Variants in LOC131768270 observed in about 807,000 individuals in gnomAD.
chr5:140,567,288 G>T, the LOC131768270 span: 1 of 1,614,134 alleles, frequency 6.2e-7, no homozygotes, highest in South Asian at 1.1e-5. Context: ...CTGGCACTGT[G>T]CCATGTGGAC....
chr5:140,565,936 C>G, the LOC131768270 span: 1 of 398,786 alleles, frequency 2.5e-6, no homozygotes, highest in Non-Finnish European at 4.4e-6. Context: ...CCTGCAGCGG[C>G]GTGTAGAAGA....
the LOC131768270 span, chr5:140,566,019 A>C: frequency 2.0e-5 from 8 of 398,652 alleles, no homozygotes; most frequent in Non-Finnish European, 3.5e-5. Context: ...ATTGCCCAAC[A>C]TGCTCTTGAG....
At chr5:140,567,181 G>A in the LOC131768270 span, 1 of 1,613,152 alleles carries the variant, frequency 6.2e-7, no homozygotes, top group Non-Finnish European at 8.5e-7. Context: ...TGAGTGTAGA[G>A]GATGGGGGTA....
At chr5:140,566,103 A>C in the LOC131768270 span, 1 of 395,958 alleles carries the variant, frequency 2.5e-6, no homozygotes, top group Non-Finnish European at 4.4e-6. Context: ...CCTAAGGACA[A>C]TTTTTCTGAA....
At chr5:140,565,121 C>T in the LOC131768270 span, 11 of 390,098 alleles carry the variant, frequency 2.8e-5, no homozygotes, top group South Asian at 1.3e-3. Flanking sequence ...AAACATTCAC[C>T]CTTAAACACT....
At chr5:140,566,430 A>G in the LOC131768270 span, 2 of 398,298 alleles carry the variant, frequency 5.0e-6, no homozygotes, top group Non-Finnish European at 4.4e-6. Context: ...AACCTTGGGA[A>G]AAATCTGGAG....
chr5:140,566,527 G>C, the LOC131768270 span: 1 of 413,840 alleles, frequency 2.4e-6, no homozygotes. Flanking sequence ...AGTCAGGAAG[G>C]AGCCTAGCTA....
the LOC131768270 span, chr5:140,568,689 C>A: frequency 5.7e-6 from 1 of 176,178 alleles, no homozygotes; most frequent in African/African-American, 2.4e-5. Flanking sequence ...CAGTCTCCTC[C>A]AGTTCCAGCA....
At chr5:140,568,443 C>T in the LOC131768270 span, 2 of 445,736 alleles carry the variant, frequency 4.5e-6, no homozygotes, top group Non-Finnish European at 8.5e-6. Context: ...GAAATAACCC[C>T]ATCCTTGTTG....
chr5:140,565,639 A>G, the LOC131768270 span: 3,558 of 327,228 alleles, frequency 0.011, 125 homozygotes, highest in African/African-American at 0.07. Flanking sequence ...AATTCTTGTC[A>G]AGGTTGATGT....
At chr5:140,568,378 C>T in the LOC131768270 span, 3 of 624,744 alleles carry the variant, frequency 4.8e-6, no homozygotes, top group South Asian at 6.3e-5. Context: ...TCCCCCACCC[C>T]CAACCAAGTT....
chr5:140,567,882 G>GC, the LOC131768270 span: 1 of 1,614,192 alleles, frequency 6.2e-7, no homozygotes, highest in South Asian at 1.1e-5. Flanking sequence ...CTGCATGCTG[G>GC]CGGCGGCTCT....
the LOC131768270 span, chr5:140,566,750 G>A: frequency 3.4e-6 from 2 of 593,590 alleles, no homozygotes; most frequent in Admixed American, 3.0e-5. Flanking sequence ...TGCTACGCAA[G>A]GGGCCCGACT....
chr5:140,566,877 T>G, the LOC131768270 span: 3 of 613,812 alleles, frequency 4.9e-6, no homozygotes, highest in Non-Finnish European at 8.7e-6. Context: ...GCCACCTTCA[T>G]CCTTGCCTCC....
the LOC131768270 span, chr5:140,564,830 G>C: frequency 2.5e-6 from 1 of 403,094 alleles, no homozygotes; most frequent in Non-Finnish European, 4.4e-6. This position sits in a 1 kb window ranked among gnomAD's most constrained non-coding sequence, Gnocchi z 5.0. Context: ...TGCGCAACAA[G>C]TTCGGCGGGG....
chr5:140,567,438 C>G, the LOC131768270 span: 21 of 1,614,160 alleles, frequency 1.3e-5, no homozygotes, highest in Non-Finnish European at 1.8e-5. Flanking sequence ...GCTCCCTTCG[C>G]ACTATCAGCC....
chr5:140,567,468 A>G, the LOC131768270 span: 2 of 1,614,164 alleles, frequency 1.2e-6, no homozygotes, highest in Non-Finnish European at 1.7e-6. Flanking sequence ...GGCGCTAACA[A>G]CAACCTGGTG....
the LOC131768270 span, chr5:140,567,327 C>G: frequency 6.2e-7 from 1 of 1,614,182 alleles, no homozygotes; most frequent in South Asian, 1.1e-5. Flanking sequence ...CCCTCCTCAG[C>G]CGTGCTGCTG....
the LOC131768270 span, chr5:140,567,456 A>G: frequency 8.1e-6 from 13 of 1,613,974 alleles, no homozygotes; most frequent in African/African-American, 5.3e-5. Context: ...GCCCTGCTCT[A>G]TGGCGCTAAC....
Sources: allele counts gnomAD v4.1 joint callset, GRCh38; gene constraint gnomAD v4.1.1; non-coding constraint Gnocchi (gnomAD v3.1); transcripts MANE v1.5.